PDE6B: variants seen among roughly 807,000 people sequenced by gnomAD.
The protein encoded by PDE6B is rod cGMP-specific 3',5'-cyclic phosphodiesterase subunit beta.
Under a neutral mutation model 109.0 loss-of-function variants are expected in PDE6B, and 106 were observed. That is an observed-to-expected ratio of 0.97 (90% CI 0.83 to 1.14). The LOEUF is 1.14. Among genes scored for constraint, PDE6B ranks in the 50% most tolerant of loss-of-function variants. PDE6B has a pLI of 0.00. For synonymous variants in PDE6B, 490 were observed against 471.3 expected, an observed-to-expected ratio of 1.04 and a Z score of -0.51; for missense variants, 1,193 against 1,155.6, an observed-to-expected ratio of 1.03 and a Z score of -0.47.
rs1737300684 is a variant in PDE6B, at chr4:663,045, C to T, written c.1833-55C>T. ...GCCCATCTGGGGGGGCTGCAGAGCG[C>T]AGGGTGGGCCAAGGGCAGGTCCCAC... On this transcript the variant is annotated intron_variant, in intron 14 of 21. Coordinates refer to ENST00000496514, the MANE Select transcript of PDE6B (RefSeq NM_000283.4). This position sits in a 1 kb window ranked among gnomAD's most constrained non-coding sequence, Gnocchi z 4.0. 1 of 982,014 alleles carries T rather than the reference C, an allele frequency of 1.0e-6. No individual in the cohort carries two copies. The highest frequency in any genetic ancestry group is 1.7e-6 in the Non-Finnish European group (1 of 602,842). The allele number at this position is 982,014 out of a possible 1,614,324, so 60.8% of individuals were successfully genotyped here. A position where few individuals can be genotyped will look rare whatever the true frequency, so the allele number is the denominator to read the frequency against.
intron 1 of PDE6B, among the ~76,000 whole-genome samples, chr4:631,392 C>T (rs573069066): frequency 6.6e-6 from 1 of 152,344 alleles, no homozygotes; most frequent in South Asian, 2.1e-4. Context: ...ATCTGAGGGT[C>T]ACTTTGTGTG....
In PDE6B at chr4:626,194, C is replaced by T. The variant is rs1734094514; in HGVS notation, c.468+100C>T. The T allele has an allele frequency of 2.6e-6, 2 of 762,458 alleles. No homozygotes were observed. The highest frequency in any genetic ancestry group is 4.5e-6 in the Non-Finnish European group (2 of 445,264). 47.2% of individuals were successfully genotyped at this position (762,458 alleles called of 1,614,324 possible). ...TCGGATCCTCAGGCCTCCAGGGAGGCCTCTTGTCAGGGCACAGGCTAGTTC... is the reference window on the plus strand; with the variant it reads ...TCGGATCCTCAGGCCTCCAGGGAGGTCTCTTGTCAGGGCACAGGCTAGTTC... On this transcript the variant is annotated intron_variant, in intron 1 of 21. Coordinates refer to ENST00000496514, the MANE Select transcript of PDE6B (RefSeq NM_000283.4). The surrounding 1 kb of genome is among the most constrained non-coding windows in gnomAD (Gnocchi z 4.6).
At chr4:652,826 A>T (rs896263645) in intron 3 of PDE6B, 12 of 152,414 alleles carry the variant, frequency 7.9e-5, no homozygotes, top group African/African-American at 2.6e-4. Context: ...ATGCCGAGGG[A>T]TGACTGTATT....
intron 3 of PDE6B, among the ~76,000 whole-genome samples, chr4:651,020 G>A (rs1019627100): frequency 7.9e-5 from 12 of 152,112 alleles, no homozygotes; most frequent in Admixed American, 7.2e-4. Context: ...AGGTGCCGAT[G>A]TCAACGGCAG....
chr4:659,502 C>A (rs6858313), intron 11 of PDE6B, among the ~76,000 whole-genome samples: 1 of 149,166 alleles, frequency 6.7e-6, no homozygotes, highest in Non-Finnish European at 1.5e-5. Flanking sequence ...CAAGTGTGTA[C>A]GTGTGTGTGC....
At position 663,756 on chromosome 4, in the gene PDE6B, C is replaced by G; in HGVS notation, c.1921-14C>G. 3 of 1,602,718 alleles carry G rather than the reference C, an allele frequency of 1.9e-6. No individual in the cohort carries two copies. Among genetic ancestry groups the G allele is most frequent in the Non-Finnish European group, 2.6e-6 (3 of 1,171,008 alleles). On this transcript the variant is annotated splice_polypyrimidine_tract_variant and intron_variant, in intron 15 of 21. Coordinates refer to ENST00000496514, the MANE Select transcript of PDE6B (RefSeq NM_000283.4). This position sits in a 1 kb window ranked among gnomAD's most constrained non-coding sequence, Gnocchi z 4.0. ...GCCGCAGGGCGCCTGACGCGCTGGG[C>G]ATAACCTCCGCAGACCCTGAACATC...
chr4:633,431 A>G lies in PDE6B; in HGVS notation c.469-1246A>G, dbSNP rs1734487893. ...GGAGCAGGAAGGGTGGGTGCCATTT[A>G]GGAGCACGCTAGCACCTCGGCCAGC... On this transcript the variant is annotated intron_variant, in intron 1 of 21. Transcript: ENST00000496514. This position sits in a 1 kb window ranked among gnomAD's most constrained non-coding sequence, Gnocchi z 4.5. Among the ~76,000 whole-genome samples, 1 of 152,044 alleles carries G rather than the reference A, an allele frequency of 6.6e-6. No individual in the cohort carries two copies. The highest frequency in any genetic ancestry group is 2.4e-5 in the African/African-American group (1 of 41,380).
intron 1 of PDE6B, among the ~76,000 whole-genome samples, chr4:629,005 C>G (rs1304731794): frequency 4.6e-5 from 7 of 152,352 alleles, no homozygotes; most frequent in Non-Finnish European, 1.0e-4. Context: ...ATTGTGAACC[C>G]TAAAACCTTG....
intron 9 of PDE6B, 42 bp from the exon 10 acceptor site, chr4:657,309 G>A (rs370908117): frequency 6.6e-5 from 106 of 1,610,512 alleles, no homozygotes; most frequent in African/African-American, 3.9e-4. Context: ...GAGGGGGCGC[G>A]CCGGGAGCGC....
In PDE6B at chr4:657,374, G is replaced by C. The variant is rs774502142; in HGVS notation, c.1281G>C (p.Trp427Cys). The C allele has an allele frequency of 8.1e-6, 13 of 1,613,180 alleles. No individual in the cohort carries two copies. Among genetic ancestry groups the C allele is most frequent in the South Asian group, 1.1e-5 (1 of 91,082 alleles). ...LMESLTQFLG[W>C]SVMNTDTYDK... is the part of the protein sequence containing the mutation. ...AGTCCCTGACACAGTTCCTGGGCTG[G>C]TCAGTGATGAACACCGACACCTACG... is the stretch of plus-strand genomic sequence containing the variant. Residue 427 changes from tryptophan (W) to cysteine (C), a missense_variant, in exon 10 of 22, where the codon TGG (tryptophan) becomes TGC (cysteine). Physicochemically the swap from Trp to Cys is radical, Grantham distance 215 (BLOSUM62 -2). Coordinates refer to ENST00000496514, the MANE Select transcript of PDE6B (RefSeq NM_000283.4).
rs1158460527 is a variant in PDE6B, at chr4:626,703, GAC to G, written c.468+611_468+612del. ...AGGGTGGGACTGGGGAGGGACAAGA[GAC>G]AGAATCGAGACAGGCTCACTGGAGT... On this transcript the variant is annotated intron_variant, in intron 1 of 21. Coordinates refer to ENST00000496514, the MANE Select transcript of PDE6B (RefSeq NM_000283.4). This position sits in a 1 kb window ranked among gnomAD's most constrained non-coding sequence, Gnocchi z 4.6. Among the ~76,000 whole-genome samples the G allele has an allele frequency of 2.6e-5, 4 of 152,238 alleles. No individual in the cohort carries two copies. The highest frequency in any genetic ancestry group is 5.9e-5 in the Non-Finnish European group (4 of 68,040).
rs1269603964 is a variant in PDE6B at position 665,997 on chromosome 4, G to A, written c.2269-534G>A. 1.3e-5 allele frequency among the ~76,000 whole-genome samples: 2 copies of A among 152,192 alleles called. No individual in the cohort carries two copies. The highest frequency in any genetic ancestry group is 2.9e-5 in the Non-Finnish European group (2 of 68,022). ...AGCAAAGCCCCACAGGGGAAGGACAGGCAGCAGGTCCATCCCCCGCGCCCG... is the reference window on the plus strand; with the variant it reads ...AGCAAAGCCCCACAGGGGAAGGACAAGCAGCAGGTCCATCCCCCGCGCCCG... On this transcript the variant is annotated intron_variant, in intron 19 of 21. Coordinates refer to ENST00000496514, the MANE Select transcript of PDE6B (RefSeq NM_000283.4). The surrounding 1 kb of genome is among the most constrained non-coding windows in gnomAD (Gnocchi z 4.0).
intron 1 of PDE6B, among the ~76,000 whole-genome samples, chr4:630,057 C>A (rs1199837644): frequency 6.6e-6 from 1 of 152,056 alleles, no homozygotes; most frequent in Non-Finnish European, 1.5e-5. Flanking sequence ...AGGCAAGGAC[C>A]CCCCGGCCAG....
At chr4:632,926 A>G (rs1560103005) in intron 1 of PDE6B, among the ~76,000 whole-genome samples, 2 of 152,110 alleles carry the variant, frequency 1.3e-5, no homozygotes, top group African/African-American at 2.4e-5. Flanking sequence ...ACCCCAGGTG[A>G]GGGTGTCAGT....
intron 17 of PDE6B, 80 bp from the exon 18 acceptor site, chr4:664,801 A>G: frequency 1.8e-6 from 2 of 1,088,356 alleles, no homozygotes; most frequent in East Asian, 2.4e-5. Context: ...GCAAGACTCC[A>G]TCTCAAAAAA....
chr4:670,017 C>CGAA (rs1738334850), intron 21 of PDE6B, 29 bp from the exon 22 acceptor site: 2 of 1,587,806 alleles, frequency 1.3e-6, no homozygotes, highest in Non-Finnish European at 1.7e-6. Flanking sequence ...CAGGTGGTTC[C>CGAA]ACTCACCATC....
chr4:635,657 G>C (rs1442144546), intron 2 of PDE6B, among the ~76,000 whole-genome samples: 2 of 151,998 alleles, frequency 1.3e-5, no homozygotes, highest in African/African-American at 4.8e-5. Context: ...CTGTGCTCCT[G>C]TGTGTCTGTG....
intron 21 of PDE6B, among the ~76,000 whole-genome samples, chr4:669,437 A>G (rs1197420998): frequency 1.1e-5 from 1 of 93,632 alleles, no homozygotes; most frequent in South Asian, 3.2e-4. Context: ...CTATTCCCCT[A>G]CCCCATGCTA....
intron 5 of PDE6B, chr4:654,480 T>TGA: frequency 1.8e-6 from 1 of 563,206 alleles, no homozygotes; most frequent in Non-Finnish European, 3.2e-6. Flanking sequence ...TGTGTGTGTG[T>TGA]GAGAGTACGG....
Sources: allele counts gnomAD v4.1 joint callset (sites outside exome capture counted in the v4.1 genomes callset), GRCh38; gene constraint gnomAD v4.1.1; non-coding constraint Gnocchi (gnomAD v3.1); transcripts MANE v1.5; gene names NCBI Gene and HGNC (gene_info 2026-07-23, HGNC 2026-07-21).